The following GOLM2 variants were observed in gnomAD, a reference collection of about 807,000 sequenced individuals.
The protein encoded by GOLM2 is golgi membrane protein 2, also known as protein GOLM2.
A neutral mutation model predicts 55.9 loss-of-function variants in GOLM2; 26 were observed. That is an observed-to-expected ratio of 0.47 (90% CI 0.34 to 0.65). The LOEUF (loss-of-function observed/expected upper bound fraction) is 0.65. Among genes scored for constraint, GOLM2 ranks in the 30% least tolerant of loss-of-function variants. GOLM2 has a pLI of 0.01. For synonymous variants in GOLM2, 165 were observed against 194.6 expected (o/e 0.85, Z 1.27); for missense variants, 486 against 531.8 (o/e 0.91, Z 0.85).
chr15:44,396,215 G>A (rs919313281), intron 8 of GOLM2, among the ~76,000 whole-genome samples: 2 of 151,972 alleles, frequency 1.3e-5, no homozygotes, highest in African/African-American at 4.8e-5. Flanking sequence ...AAAATTACAT[G>A]GGTGTTGTGG....
intron 6 of GOLM2, among the ~76,000 whole-genome samples, chr15:44,379,356 A>G (rs2079386195): frequency 6.6e-6 from 1 of 152,076 alleles, no homozygotes; most frequent in African/African-American, 2.4e-5. Flanking sequence ...GAGCGCCTAT[A>G]ATCCTAGCTA....
At chr15:44,376,502 C>G (rs908840214) in intron 6 of GOLM2, among the ~76,000 whole-genome samples, 3 of 152,082 alleles carry the variant, frequency 2.0e-5, no homozygotes, top group African/African-American at 7.2e-5. Flanking sequence ...CCTGCCTTGG[C>G]CTCCTAAAAT....
chr15:44,403,922 A>T (rs977143148), intron 9 of GOLM2, among the ~76,000 whole-genome samples: 2 of 152,128 alleles, frequency 1.3e-5, no homozygotes, highest in Non-Finnish European at 2.9e-5. Flanking sequence ...TTTTATATTT[A>T]TTACACAGAT....
intron 2 of GOLM2, among the ~76,000 whole-genome samples, chr15:44,326,218 C>T (rs1168630261): frequency 1.4e-5 from 2 of 147,918 alleles, no homozygotes; most frequent in African/African-American, 5.0e-5. Flanking sequence ...GCTGAGATCG[C>T]ACCACTGCAC....
At chr15:44,348,199 A>G (rs1188372784) in intron 6 of GOLM2, among the ~76,000 whole-genome samples, 2 of 152,200 alleles carry the variant, frequency 1.3e-5, no homozygotes, top group East Asian at 1.9e-4. Context: ...CTTGCAGTGT[A>G]GATTTGAACT....
At chr15:44,369,065 TATTATATATATATA>T (rs1400391132) in intron 6 of GOLM2, among the ~76,000 whole-genome samples, 1 of 67,912 alleles carries the variant, frequency 1.5e-5, no homozygotes, top group Non-Finnish European at 2.6e-5. Flanking sequence ...TAATAGGATA[TATTATATATATATA>T]TATATATATA....
At chr15:44,381,706 T>G (rs1175210242) in intron 8 of GOLM2, among the ~76,000 whole-genome samples, 1 of 152,246 alleles carries the variant, frequency 6.6e-6, no homozygotes, top group Non-Finnish European at 1.5e-5. Flanking sequence ...TGGCAGCAAC[T>G]GTGCAGAGCA....
intron 5 of GOLM2, 100 bp from the exon 6 acceptor site, chr15:44,338,137 T>C: frequency 8.8e-7 from 1 of 1,135,970 alleles, no homozygotes; most frequent in Non-Finnish European, 1.3e-6. Flanking sequence ...TCAGTTGATG[T>C]AGCCTATTAC....
At chr15:44,395,583 T>G (rs897038587) in intron 8 of GOLM2, among the ~76,000 whole-genome samples, 2 of 152,014 alleles carry the variant, frequency 1.3e-5, no homozygotes, top group African/African-American at 2.4e-5. Context: ...GGCTAATGCC[T>G]GTAATTCTAG....
Position 44,362,331 on chromosome 15 carries a change from G to T in GOLM2, c.803-17359G>T, listed in dbSNP as rs1355303466. Among the ~76,000 whole-genome samples the T allele has an allele frequency of 3.3e-5, 5 of 152,072 alleles. No individual in the cohort carries two copies. In the East Asian group the frequency reaches 9.6e-4, roughly 29 times the overall value. On this transcript the variant is annotated intron_variant, in intron 6 of 9. Transcript: ENST00000299957. ...GCCCAAAATCTCCTTAAGCTGATAAGCAACTTCAGCAGTCTCAGGATACAA... is the reference window on the plus strand; with the variant it reads ...GCCCAAAATCTCCTTAAGCTGATAATCAACTTCAGCAGTCTCAGGATACAA...
chr15:44,344,344 G>A (rs2079109564), intron 6 of GOLM2, among the ~76,000 whole-genome samples: 1 of 150,818 alleles, frequency 6.6e-6, no homozygotes, highest in African/African-American at 2.4e-5. Context: ...TAGAGCATGT[G>A]CCTAGGGTTA....
intron 1 of GOLM2, among the ~76,000 whole-genome samples, chr15:44,320,651 G>A (rs183224020): frequency 7.9e-5 from 12 of 152,138 alleles, no homozygotes; most frequent in African/African-American, 2.6e-4. Flanking sequence ...CAGGACTCGG[G>A]GGGGTGAAAA....
At chr15:44,310,702 C>A (rs1567022276) in intron 1 of GOLM2, among the ~76,000 whole-genome samples, 5 of 150,348 alleles carry the variant, frequency 3.3e-5, no homozygotes. Flanking sequence ...AAGACCCTGT[C>A]TCAATCAATC....
chr15:44,343,287 C>T (rs1229634242), intron 6 of GOLM2, among the ~76,000 whole-genome samples: 1 of 148,382 alleles, frequency 6.7e-6, no homozygotes, highest in Admixed American at 6.8e-5. Flanking sequence ...GAGCGAAGAT[C>T]ATGCCTCTGC....
chr15:44,407,940 C>T (rs28497688), intron 9 of GOLM2, among the ~76,000 whole-genome samples: 2,549 of 151,610 alleles, frequency 0.017, 32 homozygotes, highest in Middle Eastern at 0.041. Flanking sequence ...TTACAAGAGA[C>T]AGGGTTTCAC....
intron 1 of GOLM2, among the ~76,000 whole-genome samples, chr15:44,297,020 A>G (rs1269052582): frequency 6.6e-6 from 1 of 152,214 alleles, no homozygotes; most frequent in Non-Finnish European, 1.5e-5. Flanking sequence ...TCCAAACGAT[A>G]TCCCTTTCCT....
At chr15:44,391,616 A>C (rs1223861762) in intron 8 of GOLM2, among the ~76,000 whole-genome samples, 1 of 152,122 alleles carries the variant, frequency 6.6e-6, no homozygotes, top group Non-Finnish European at 1.5e-5. Context: ...AAGAACATCA[A>C]TATAGATCCT....
At chr15:44,300,591 A>G (rs1226827544) in intron 1 of GOLM2, among the ~76,000 whole-genome samples, 2 of 152,218 alleles carry the variant, frequency 1.3e-5, no homozygotes, top group Admixed American at 1.3e-4. Context: ...TACTTACTCC[A>G]TAGAGGCAAA....
At chr15:44,343,498 T>C (rs989562092) in intron 6 of GOLM2, among the ~76,000 whole-genome samples, 1 of 151,960 alleles carries the variant, frequency 6.6e-6, no homozygotes, top group Non-Finnish European at 1.5e-5. Flanking sequence ...CTATTAGCTA[T>C]AGAGGCAGTA....
Sources: allele counts gnomAD v4.1 joint callset (sites outside exome capture counted in the v4.1 genomes callset), GRCh38; gene constraint gnomAD v4.1.1; transcripts MANE v1.5; gene names NCBI Gene and HGNC (gene_info 2026-07-23, HGNC 2026-07-21).